The following PIBF1 variants were observed in gnomAD, a reference collection of about 807,000 sequenced individuals.
The protein encoded by PIBF1 is progesterone immunomodulatory binding factor 1.
Under a neutral mutation model 112.5 loss-of-function variants are expected in PIBF1, and 90 were observed. The observed-to-expected ratio is 0.80, with a 90% CI of 0.67 to 0.95. The LOEUF (loss-of-function observed/expected upper bound fraction) is 0.95, where lower values mean the gene tolerates loss of function less well. Ranked by LOEUF, PIBF1 falls within the 40% of genes least tolerant of loss-of-function variation. The pLI, the probability that PIBF1 is intolerant of heterozygous loss-of-function variation, is 0.00. For synonymous variants in PIBF1, 301 were observed against 288.6 expected (o/e 1.04, Z -0.44); for missense variants, 915 against 852.3 (o/e 1.07, Z -0.92).
chr13:72,955,727 T>G (rs1418527923), intron 14 of PIBF1, among the ~76,000 whole-genome samples: 1 of 152,160 alleles, frequency 6.6e-6, no homozygotes, highest in African/African-American at 2.4e-5. Context: ...GAACTCAAAT[T>G]CTGTTCTCTA....
intron 8 of PIBF1, among the ~76,000 whole-genome samples, chr13:72,833,646 A>G (rs984279492): frequency 2.0e-5 from 3 of 152,188 alleles, no homozygotes; most frequent in Non-Finnish European, 4.4e-5. Flanking sequence ...GGCACCTGCC[A>G]GATGCCAACC....
chr13:72,802,671 A>G (rs897639632), intron 5 of PIBF1, among the ~76,000 whole-genome samples: 1 of 151,914 alleles, frequency 6.6e-6, no homozygotes, highest in Non-Finnish European at 1.5e-5. Context: ...GATCTTAGAC[A>G]TGTTGAGTTT....
intron 2 of PIBF1, 52 bp from the exon 3 acceptor site, chr13:72,792,395 A>G: frequency 8.9e-7 from 1 of 1,117,746 alleles, no homozygotes; most frequent in Non-Finnish European, 1.3e-6. Context: ...TATGAAACTG[A>G]AAGTTTTTCT....
intron 16 of PIBF1, among the ~76,000 whole-genome samples, chr13:72,979,587 A>G (rs527953521): frequency 6.6e-6 from 1 of 152,222 alleles, no homozygotes; most frequent in Middle Eastern, 3.4e-3. Context: ...TAGATTGGTG[A>G]TGATGAGGTG....
At chr13:72,933,614 A>AT (rs1382842283) in intron 14 of PIBF1, among the ~76,000 whole-genome samples, 2 of 152,238 alleles carry the variant, frequency 1.3e-5, no homozygotes, top group Non-Finnish European at 2.9e-5. Context: ...GTGAGCTGAG[A>AT]TCGTGCCATC....
chr13:72,858,706 CT>C (rs912239955), intron 10 of PIBF1, among the ~76,000 whole-genome samples: 1 of 151,820 alleles, frequency 6.6e-6, no homozygotes, highest in Non-Finnish European at 1.5e-5. Context: ...GTGTTTTTTT[CT>C]TTTTTGTGTG....
At chr13:72,876,134 C>CTTTTTTTTTTTTTTTTTT in intron 10 of PIBF1, among the ~76,000 whole-genome samples, 1 of 91,236 alleles carries the variant, frequency 1.1e-5, no homozygotes. Flanking sequence ...TGTTCAGATT[C>CTTTTTTTTTTTTTTTTTT]TTTTTTTTTT....
chr13:72,891,669 A>T (rs2040062108), intron 10 of PIBF1, among the ~76,000 whole-genome samples: 2 of 152,070 alleles, frequency 1.3e-5, no homozygotes, highest in South Asian at 4.1e-4. Flanking sequence ...AAAAGTTAAA[A>T]ATAGAGTGAC....
intron 14 of PIBF1, among the ~76,000 whole-genome samples, chr13:72,933,209 C>A (rs1426766715): frequency 6.6e-6 from 1 of 152,206 alleles, no homozygotes; most frequent in Non-Finnish European, 1.5e-5. Context: ...AAAATACATG[C>A]CTTCCTGAGC....
intron 14 of PIBF1, among the ~76,000 whole-genome samples, chr13:72,951,526 G>A (rs2042295571): frequency 6.6e-6 from 1 of 152,048 alleles, no homozygotes; most frequent in Non-Finnish European, 1.5e-5. Flanking sequence ...GGAAAAACAG[G>A]ACAGAAGAGA....
At chr13:72,795,614 C>A in intron 4 of PIBF1, 57 bp downstream of exon 4, 1 of 1,068,788 alleles carries the variant, frequency 9.4e-7, no homozygotes, top group South Asian at 1.4e-5. Context: ...TAAAATTTAC[C>A]ATTTATATAG....
At chr13:72,874,326 A>G (rs534737828) in intron 10 of PIBF1, among the ~76,000 whole-genome samples, 13 of 152,314 alleles carry the variant, frequency 8.5e-5, no homozygotes, top group Admixed American at 8.5e-4. Context: ...CTATATTTCT[A>G]ATGTCCCCAA....
chr13:72,996,073 C>T (rs1032771931), intron 16 of PIBF1, among the ~76,000 whole-genome samples: 10 of 27,390 alleles, frequency 3.7e-4, no homozygotes, highest in Non-Finnish European at 6.5e-4. Flanking sequence ...TTCTTCATAA[C>T]AAAAAAAAAA....
chr13:72,904,174 T>C (rs1262548596), intron 11 of PIBF1, among the ~76,000 whole-genome samples: 2 of 151,988 alleles, frequency 1.3e-5, no homozygotes, highest in African/African-American at 4.8e-5. Context: ...AATTTTCCTT[T>C]CTGCATATGA....
chr13:72,994,284 A>G (rs2043577244), intron 16 of PIBF1, among the ~76,000 whole-genome samples: 1 of 152,236 alleles, frequency 6.6e-6, no homozygotes, highest in Admixed American at 6.5e-5. Context: ...CAACACGATT[A>G]AGAAGCTAGA....
At chr13:72,858,493 A>G (rs547445017) in intron 10 of PIBF1, among the ~76,000 whole-genome samples, 83 of 152,364 alleles carry the variant, frequency 5.4e-4, no homozygotes, top group Admixed American at 1.0e-3. Flanking sequence ...ATTGTAATTC[A>G]TGAATACTCT....
rs2038936113 is a variant in PIBF1 at position 72,866,567 on chromosome 13, A to T, written c.1322+12412A>T. On this transcript the variant is annotated intron_variant, in intron 10 of 17. Coordinates refer to ENST00000326291, the MANE Select transcript of PIBF1 (RefSeq NM_006346.4). Reference sequence around the variant, plus strand: ...CTATGACATACATTTATTATGACTTAAAAGTCTTCCTGTGTGACTTTTAAT... The same window carrying T: ...CTATGACATACATTTATTATGACTTTAAAGTCTTCCTGTGTGACTTTTAAT... 2.0e-5 allele frequency among the ~76,000 whole-genome samples: 3 copies of T among 152,150 alleles called. No homozygotes were observed. The South Asian group carries it at 6.2e-4, about 32-fold the overall frequency.
intron 11 of PIBF1, among the ~76,000 whole-genome samples, chr13:72,902,006 A>ATGTGTGCGTGTGTG: frequency 6.8e-6 from 1 of 147,936 alleles, no homozygotes; most frequent in South Asian, 2.2e-4. Context: ...GTGTATGTAT[A>ATGTGTGCGTGTGTG]TGTGTGTGTG....
intron 6 of PIBF1, among the ~76,000 whole-genome samples, chr13:72,824,417 G>A (rs982393274): frequency 1.3e-5 from 2 of 152,036 alleles, no homozygotes; most frequent in African/African-American, 4.8e-5. Context: ...ATAAATATTG[G>A]CAATAATGAA....
Sources: gnomAD v4.1 joint callset for allele counts (sites outside exome capture counted in the v4.1 genomes callset) on GRCh38, gnomAD v4.1.1 for gene constraint, MANE v1.5 for transcripts, NCBI Gene and HGNC (gene_info 2026-07-23, HGNC 2026-07-21) for gene names.